The following PHF2 variants were observed in gnomAD, a reference collection of about 807,000 sequenced individuals.
The protein encoded by PHF2 is PHD finger protein 2.
In PHF2, 27 loss-of-function variants were observed where a neutral mutation model predicts 120.5. The observed-to-expected ratio is 0.22, with a 90% CI of 0.17 to 0.31. The LOEUF (loss-of-function observed/expected upper bound fraction) is 0.31, where lower values mean the gene tolerates loss of function less well. Among genes scored for constraint, PHF2 ranks in the 10% least tolerant of loss-of-function variants. The probability of loss-of-function intolerance (pLI) is 1.00; values close to 1 mark genes in which losing one functional copy is unlikely to be tolerated. For synonymous variants in PHF2, 568 were observed against 592.5 expected, an observed-to-expected ratio of 0.96 and a Z score of 0.60; for missense variants, 1,024 against 1,434.8, an observed-to-expected ratio of 0.71 and a Z score of 4.63.
intron 1 of PHF2, among the ~76,000 whole-genome samples, chr9:93,620,861 T>C (rs1825814184): frequency 6.6e-6 from 1 of 152,268 alleles, no homozygotes. Flanking sequence ...AAAGCCCTAA[T>C]TCTGGTACAA....
intron 2 of PHF2, among the ~76,000 whole-genome samples, chr9:93,633,051 T>C (rs1470196696): frequency 6.6e-6 from 1 of 152,204 alleles, no homozygotes; most frequent in Non-Finnish European, 1.5e-5. Flanking sequence ...AAGCCAGTGC[T>C]GGGAACCTCT....
chr9:93,636,354 T>C (rs1826089578), intron 2 of PHF2, 57 bp from the exon 3 acceptor site: 2 of 1,378,846 alleles, frequency 1.5e-6, no homozygotes, highest in African/African-American at 2.9e-5. Context: ...GGGGAAGTTG[T>C]GGAGCCCTGC....
At chr9:93,588,890 C>T (rs921935962) in intron 1 of PHF2, among the ~76,000 whole-genome samples, 1 of 152,092 alleles carries the variant, frequency 6.6e-6, no homozygotes, top group African/African-American at 2.4e-5. Context: ...GACTCTGTCT[C>T]AAAAACAAAC....
At chr9:93,623,483 C>A (rs1825857240) in intron 1 of PHF2, among the ~76,000 whole-genome samples, 1 of 152,156 alleles carries the variant, frequency 6.6e-6, no homozygotes, top group Non-Finnish European at 1.5e-5. Flanking sequence ...ATGCCCTGGT[C>A]CTGTTCCTGG....
At chr9:93,607,625 G>A (rs1409618214) in intron 1 of PHF2, among the ~76,000 whole-genome samples, 1 of 151,510 alleles carries the variant, frequency 6.6e-6, no homozygotes, top group African/African-American at 2.4e-5. Context: ...AGATCAAATT[G>A]GGAAGAACTG....
At chr9:93,604,776 T>A (rs1191478061) in intron 1 of PHF2, among the ~76,000 whole-genome samples, 1 of 152,206 alleles carries the variant, frequency 6.6e-6, no homozygotes, top group Non-Finnish European at 1.5e-5. Context: ...CTAGTGCTCA[T>A]CCATTTGCAT....
intron 20 of PHF2, 73 bp downstream of exon 20, chr9:93,675,862 A>G: frequency 1.7e-6 from 2 of 1,150,294 alleles, no homozygotes; most frequent in Non-Finnish European, 2.6e-6. Context: ...AGGTTCCCCA[A>G]GGCACCTGTT....
intron 1 of PHF2, among the ~76,000 whole-genome samples, chr9:93,579,879 G>A (rs1862901239): frequency 6.6e-6 from 1 of 152,228 alleles, no homozygotes; most frequent in South Asian, 2.1e-4. Context: ...GCCAGAACTT[G>A]CTTCTAGGGT....
chr9:93,666,195 C>T (rs1419772671), intron 16 of PHF2, 135 bp downstream of exon 16: 5 of 726,032 alleles, frequency 6.9e-6, no homozygotes, highest in Admixed American at 2.4e-5. Flanking sequence ...CTTACCCTCA[C>T]CCCACCCTTT....
At chr9:93,615,038 TAGTG>T (rs1325466204) in intron 1 of PHF2, among the ~76,000 whole-genome samples, 2 of 151,388 alleles carry the variant, frequency 1.3e-5, no homozygotes, top group Admixed American at 1.3e-4. Flanking sequence ...ATGATGGTGA[TAGTG>T]ATGATGATGG....
intron 1 of PHF2, among the ~76,000 whole-genome samples, chr9:93,623,398 G>A (rs1825855877): frequency 6.6e-6 from 1 of 152,192 alleles, no homozygotes; most frequent in African/African-American, 2.4e-5. Context: ...TGGCACTGTA[G>A]TGAGTGCACG....
At chr9:93,615,019 GTGATGGTGA>G (rs1825701401) in intron 1 of PHF2, among the ~76,000 whole-genome samples, 1 of 151,332 alleles carries the variant, frequency 6.6e-6, no homozygotes, top group Admixed American at 6.6e-5. Flanking sequence ...AGTAATGATG[GTGATGGTGA>G]TGATGGTGAT....
chr9:93,598,819 C>T (rs1825379660), intron 1 of PHF2, among the ~76,000 whole-genome samples: 1 of 152,184 alleles, frequency 6.6e-6, no homozygotes, highest in South Asian at 2.1e-4. Context: ...TCACCTCCAG[C>T]TCATACAGGA....
At chr9:93,622,773 C>T (rs1291433160) in intron 1 of PHF2, among the ~76,000 whole-genome samples, 1 of 152,158 alleles carries the variant, frequency 6.6e-6, no homozygotes, top group Non-Finnish European at 1.5e-5. Flanking sequence ...GTGTCTCTAG[C>T]CCCTCACGCC....
intron 2 of PHF2, among the ~76,000 whole-genome samples, chr9:93,631,545 A>G (rs1019726280): frequency 6.6e-6 from 1 of 152,192 alleles, no homozygotes; most frequent in Non-Finnish European, 1.5e-5. Context: ...TATTGCTCAA[A>G]AACAGATAAA....
rs777472908 is a variant in PHF2 at position 93,603,220 on chromosome 9, T to TG, written c.98+26350dup. ...AGGAACAAAGGCCAACCTAAACACT[T>TG]GCTTTCTATGATCCCGGTCTGAGAA... On this transcript the variant is annotated intron_variant, in intron 1 of 21. Coordinates refer to ENST00000359246, the MANE Select transcript of PHF2 (RefSeq NM_005392.4). Among the ~76,000 whole-genome samples, 6 of 152,150 alleles carry TG rather than the reference T, an allele frequency of 3.9e-5. No homozygotes were observed. The South Asian group carries it at 1.2e-3, about 31-fold the overall frequency.
At chr9:93,675,142 G>T in intron 19 of PHF2, 120 bp downstream of exon 19, 1 of 780,888 alleles carries the variant, frequency 1.3e-6, no homozygotes, top group Non-Finnish European at 2.1e-6. Flanking sequence ...CCTATCCTGA[G>T]GGCTGGGCAG....
rs766776650 is a variant in PHF2 at position 93,576,824 on chromosome 9, C to T, written c.51C>T (p.Thr17=). The T allele has an allele frequency of 6.2e-6, 8 of 1,292,186 alleles. No homozygotes were observed. The South Asian group carries it at 8.6e-5, about 14-fold the overall frequency. The allele number at this position is 1,292,186 out of a possible 1,614,324, so 80.0% of individuals were successfully genotyped here. Residue 17 remains threonine, a synonymous_variant, in exon 1 of 22, where the codon ACC becomes ACT. Transcript: ENST00000359246. The part of the protein sequence containing the change: ...YCVCRLPYDV[T]RFMIECDACK... ...TCTGCCGGCTCCCCTACGACGTTAC[C>T]CGCTTCATGATCGAGTGCGACGCCT...
chr9:93,654,711 G>T (rs1826428141), intron 7 of PHF2, 136 bp downstream of exon 7: 1 of 866,028 alleles, frequency 1.2e-6, no homozygotes, highest in African/African-American at 1.7e-5. Context: ...CTTGTCCTGA[G>T]CATATGAAGT....
Sources: allele counts gnomAD v4.1 joint callset (sites outside exome capture counted in the v4.1 genomes callset), GRCh38; gene constraint gnomAD v4.1.1; transcripts MANE v1.5; gene names NCBI Gene and HGNC (gene_info 2026-07-23, HGNC 2026-07-21).